ADGRF5: variants seen among roughly 807,000 people sequenced by gnomAD.
ADGRF5 encodes the protein G-protein coupled receptor 116.
Under a neutral mutation model 132.3 loss-of-function variants are expected in ADGRF5, and 75 were observed. The ratio of observed to expected loss-of-function variants is 0.57; its 90% CI spans 0.47 to 0.69. The LOEUF is 0.69. Among genes scored for constraint, ADGRF5 ranks in the 30% least tolerant of loss-of-function variants. The probability of loss-of-function intolerance (pLI) is 0.00; values close to 1 mark genes in which losing one functional copy is unlikely to be tolerated. For missense variants in ADGRF5, 1,516 were observed against 1,630.6 expected, an observed-to-expected ratio of 0.93 and a Z score of 1.21; for synonymous variants, 629 against 597.6, an observed-to-expected ratio of 1.05 and a Z score of -0.77.
intron 12 of ADGRF5, among the ~76,000 whole-genome samples, chr6:46,867,527 A>G (rs1015539715): frequency 2.0e-5 from 3 of 152,108 alleles, no homozygotes; most frequent in African/African-American, 4.8e-5. Context: ...ATAATTGTTA[A>G]CCTGATGGAA....
chr6:46,886,348 G>A (rs1474354444), intron 4 of ADGRF5, among the ~76,000 whole-genome samples: 1 of 152,234 alleles, frequency 6.6e-6, no homozygotes, highest in Non-Finnish European at 1.5e-5. Context: ...AAGAAGCTGA[G>A]TGCCCGCTAG....
At chr6:46,913,893 T>C (rs1776203242) in intron 1 of ADGRF5, among the ~76,000 whole-genome samples, 1 of 152,218 alleles carries the variant, frequency 6.6e-6, no homozygotes, top group African/African-American at 2.4e-5. Flanking sequence ...AACCTTGGCC[T>C]GCATCTGGCT....
intron 1 of ADGRF5, among the ~76,000 whole-genome samples, chr6:46,948,475 AGTGTGTGTGTGTGTGTGTGT>A (rs3030417): frequency 7.0e-6 from 1 of 143,286 alleles, no homozygotes; most frequent in Non-Finnish European, 1.5e-5. Context: ...TGCTCTAGTG[AGTGTGTGTGTGTGTGTGTGT>A]GTGTGTGTGT....
chr6:46,913,048 T>G (rs1352054101), intron 1 of ADGRF5, among the ~76,000 whole-genome samples: 2 of 152,210 alleles, frequency 1.3e-5, no homozygotes, highest in African/African-American at 4.8e-5. Context: ...AATTTGCCTT[T>G]CTTTACCTAC....
chr6:46,858,328 A>C lies in ADGRF5; in HGVS notation c.3575T>G (p.Val1192Gly). The change falls in exon 17 of 21, where the codon GTG becomes GGG. Residue 1192 changes from valine (V) to glycine (G), a missense_variant. Around this residue, in one of 2 missense-constraint regions of ADGRF5, gnomAD observed 571 missense variants for 701.2 expected, o/e 0.81. Transcript: ENST00000283296. ...AGGCCTCAGGATCTTGGTGATGACC[A>C]CAATAGTGATGGTTATGTTCACCAC... ...IVVVNITITI[V>G]VITKILRPSI... 6.2e-7 allele frequency: 1 copy of C among 1,614,064 alleles called. No homozygotes were observed. Among genetic ancestry groups the C allele is most frequent in the Non-Finnish European group, 8.5e-7 (1 of 1,179,978 alleles).
intron 3 of ADGRF5, among the ~76,000 whole-genome samples, chr6:46,899,055 G>A (rs1774473874): frequency 6.6e-6 from 1 of 152,108 alleles, no homozygotes; most frequent in Admixed American, 6.6e-5. Flanking sequence ...AGTGCTTTGG[G>A]ACAAATGTTG....
At position 46,947,388 on chromosome 6, in the gene ADGRF5, C is replaced by T. The variant is rs539001335; in HGVS notation, c.-25+7346G>A. Among the ~76,000 whole-genome samples the T allele has an allele frequency of 1.3e-4, 20 of 152,274 alleles. No individual in the cohort carries two copies. In the East Asian group the frequency reaches 1.7e-3, roughly 13 times the overall value. ...AATGAAAACCTTTTAAAATGCAATA[C>T]GTTTTGTGCTTTACCTATTTCCTCT... On this transcript the variant is annotated intron_variant, in intron 1 of 20. Transcript: ENST00000265417.
chr6:46,909,589 C>A (rs1475111963), intron 1 of ADGRF5, among the ~76,000 whole-genome samples: 1 of 152,294 alleles, frequency 6.6e-6, no homozygotes, highest in South Asian at 2.1e-4. Context: ...ATCTGGGTTC[C>A]CTGAAGCCAC....
chr6:46,861,710 C>T (rs1242505563), intron 15 of ADGRF5, among the ~76,000 whole-genome samples: 2 of 152,170 alleles, frequency 1.3e-5, no homozygotes, highest in African/African-American at 2.4e-5. Context: ...TAGTACAAGT[C>T]ATATAACTCA....
chr6:46,878,348 A>G lies in ADGRF5; in HGVS notation c.1094T>C (p.Ile365Thr). The change falls in exon 10 of 21, where the codon ATA becomes ACA. Residue 365 changes from isoleucine (I) to threonine (T), a missense_variant. Physicochemically the swap from Ile to Thr is moderately conservative, Grantham distance 89 (BLOSUM62 -1). This residue lies in a region of ADGRF5 where 945 missense variants were observed against 929.4 expected (regional missense o/e 1.02). Transcript: ENST00000283296. ...CAAAATTTGGATGGGCATAACATCT[A>G]TTTTCTTCTTGCACTCATATTCAAA... ...DIFEYECKKK[I>T]DVMPIQILAN... 1 of 1,612,988 alleles carries G rather than the reference A, an allele frequency of 6.2e-7. No homozygotes were observed. Among genetic ancestry groups the G allele is most frequent in the East Asian group, 2.2e-5 (1 of 44,856 alleles).
chr6:46,855,743 C>T (rs1178066998), intron 20 of ADGRF5, among the ~76,000 whole-genome samples: 2 of 152,144 alleles, frequency 1.3e-5, no homozygotes, highest in Non-Finnish European at 2.9e-5. Flanking sequence ...CTAGATTCTC[C>T]AAATCTTATT....
At chr6:46,864,910 G>T in intron 14 of ADGRF5, 132 bp downstream of exon 14, 1 of 628,048 alleles carries the variant, frequency 1.6e-6, no homozygotes. Context: ...ATACCACTAT[G>T]GTGAGCCCAG....
At chr6:46,923,374 C>G (rs1272221137), upstream of ADGRF5, among the ~76,000 whole-genome samples, 1 of 152,216 alleles carries the variant, frequency 6.6e-6, no homozygotes, top group South Asian at 2.1e-4. Flanking sequence ...TCCTCTCTCC[C>G]CTCCAGCTGC....
chr6:46,891,946 G>T (rs1773687688), intron 3 of ADGRF5, among the ~76,000 whole-genome samples: 1 of 152,122 alleles, frequency 6.6e-6, no homozygotes, highest in African/African-American at 2.4e-5. Flanking sequence ...ATCACCCTCA[G>T]CCTGAGCGTC....
intron 1 of ADGRF5, among the ~76,000 whole-genome samples, chr6:46,919,551 A>G (rs1776730744): frequency 6.6e-6 from 1 of 152,260 alleles, no homozygotes. Context: ...AATGCCCCCA[A>G]GTACCCCATA....
intron 1 of ADGRF5, among the ~76,000 whole-genome samples, chr6:46,908,257 T>C (rs1463074598): frequency 6.6e-6 from 1 of 152,224 alleles, no homozygotes; most frequent in African/African-American, 2.4e-5. Flanking sequence ...GCATCTGCTA[T>C]GGGGAAATCA....
intron 2 of ADGRF5, among the ~76,000 whole-genome samples, chr6:46,902,914 T>C (rs905562348): frequency 1.3e-5 from 2 of 152,220 alleles, no homozygotes; most frequent in Non-Finnish European, 2.9e-5. Flanking sequence ...CGGACCTGAT[T>C]TGAATAGAGC....
intron 6 of ADGRF5, 36 bp from the exon 7 acceptor site, chr6:46,882,143 A>C: frequency 7.0e-7 from 1 of 1,434,684 alleles, no homozygotes; most frequent in Non-Finnish European, 9.8e-7. Context: ...CATATATCAA[A>C]GTCGAGAAAT....
chr6:46,943,508 C>G (rs1158638402), intron 1 of ADGRF5, among the ~76,000 whole-genome samples: 2 of 152,174 alleles, frequency 1.3e-5, no homozygotes, highest in Admixed American at 1.3e-4. Flanking sequence ...GATACTATTG[C>G]TATTTTTAAT....
Sources: allele counts gnomAD v4.1 joint callset (sites outside exome capture counted in the v4.1 genomes callset), GRCh38; gene constraint gnomAD v4.1.1; regional missense constraint gnomAD v4.1.1; transcripts MANE v1.5; gene names NCBI Gene and HGNC (gene_info 2026-07-23, HGNC 2026-07-21).